The following RFPL1 variants were observed in gnomAD, a reference collection of about 807,000 sequenced individuals.
The protein encoded by RFPL1 is ret finger protein like 1.
In RFPL1, 6 loss-of-function variants were observed where a neutral mutation model predicts 9.6. The ratio of observed to expected loss-of-function variants is 0.62; its 90% confidence interval spans 0.34 to 1.23. The LOEUF is 1.23. RFPL1 is among the 50% of genes most tolerant of loss of function. RFPL1 has a pLI of 0.03. For synonymous variants in RFPL1, 145 were observed against 149.4 expected (o/e 0.97, Z 0.22); for missense variants, 352 against 398.4 (o/e 0.88, Z 0.99).
upstream of RFPL1, among the ~76,000 whole-genome samples, chr22:29,435,960 A>G (rs547176232): frequency 6.6e-6 from 1 of 152,312 alleles, no homozygotes; most frequent in East Asian, 1.9e-4. Flanking sequence ...TAAATACCAC[A>G]TGTTCTCACT....
the RFPL1 span, among the ~76,000 whole-genome samples, chr22:29,415,954 T>C: frequency 7.2e-5 from 11 of 152,150 alleles, no homozygotes; most frequent in Admixed American, 6.5e-5. Context: ...GGAGTTGTGG[T>C]TGTGGTCAGA....
At chr22:29,395,790 T>A in the RFPL1 span, among the ~76,000 whole-genome samples, 1 of 152,050 alleles carries the variant, frequency 6.6e-6, no homozygotes, top group Non-Finnish European at 1.5e-5. Flanking sequence ...CTGGCCAATA[T>A]GGTGAAACCC....
At chr22:29,423,816 A>G in the RFPL1 span, among the ~76,000 whole-genome samples, 1 of 152,198 alleles carries the variant, frequency 6.6e-6, no homozygotes, top group Non-Finnish European at 1.5e-5. Context: ...AAAGGGCTAG[A>G]ATCTATAGCA....
At chr22:29,426,364 G>C in the RFPL1 span, among the ~76,000 whole-genome samples, 1 of 151,350 alleles carries the variant, frequency 6.6e-6, no homozygotes. Flanking sequence ...GGTTTGTAAT[G>C]ATGTATTTTT....
the RFPL1 span, among the ~76,000 whole-genome samples, chr22:29,430,432 G>A: frequency 2.0e-5 from 3 of 151,918 alleles, no homozygotes; most frequent in African/African-American, 4.8e-5. Context: ...ATTTAAATAT[G>A]TATACTTTTA....
the RFPL1 span, among the ~76,000 whole-genome samples, chr22:29,388,908 C>A: frequency 6.6e-6 from 1 of 152,158 alleles, no homozygotes; most frequent in South Asian, 2.1e-4. Context: ...GGGTCTTGCT[C>A]TGTTGCTCAA....
chr22:29,420,166 T>C, the RFPL1 span, among the ~76,000 whole-genome samples: 1 of 152,276 alleles, frequency 6.6e-6, no homozygotes, highest in South Asian at 2.1e-4. Context: ...GCTCTGAAAA[T>C]GGGAATTCAG....
At chr22:29,424,259 G>C in the RFPL1 span, among the ~76,000 whole-genome samples, 1 of 152,074 alleles carries the variant, frequency 6.6e-6, no homozygotes, top group Non-Finnish European at 1.5e-5. Flanking sequence ...AGCATCTACT[G>C]TGTACCTCAA....
the RFPL1 span, among the ~76,000 whole-genome samples, chr22:29,424,838 C>CT: frequency 9.2e-6 from 1 of 108,660 alleles, no homozygotes; most frequent in African/African-American, 3.6e-5. Context: ...CTCCCACCCC[C>CT]CCCCCCGCAA....
At chr22:29,423,803 T>C in the RFPL1 span, among the ~76,000 whole-genome samples, 1 of 152,208 alleles carries the variant, frequency 6.6e-6, no homozygotes, top group Non-Finnish European at 1.5e-5. Context: ...GATTCATCTG[T>C]GGAAAGGGCT....
chr22:29,427,949 A>G, the RFPL1 span, among the ~76,000 whole-genome samples: 1 of 152,062 alleles, frequency 6.6e-6, no homozygotes, highest in Admixed American at 6.5e-5. Flanking sequence ...CCCTTTCTAT[A>G]TGGTATATAA....
At chr22:29,388,181 C>T in the RFPL1 span, among the ~76,000 whole-genome samples, 891 of 152,340 alleles carry the variant, frequency 5.8e-3, 7 homozygotes, top group African/African-American at 0.02. Flanking sequence ...CCTGTCTCTC[C>T]GGGCGGAAGC....
chr22:29,411,376 T>C, the RFPL1 span, among the ~76,000 whole-genome samples: 1 of 152,180 alleles, frequency 6.6e-6, no homozygotes, highest in African/African-American at 2.4e-5. Flanking sequence ...TTAGAAGCGT[T>C]CAAATTTATT....
intron 1 of RFPL1, chr22:29,439,930 T>C (rs1282880435): frequency 6.6e-6 from 1 of 151,840 alleles, no homozygotes; most frequent in African/African-American, 2.4e-5. Context: ...TTGGGAAGAG[T>C]TTGGAATGGA....
chr22:29,427,120 T>C, the RFPL1 span, among the ~76,000 whole-genome samples: 1 of 152,350 alleles, frequency 6.6e-6, no homozygotes, highest in Admixed American at 6.5e-5. Flanking sequence ...GCAAGGTGGC[T>C]CTGTCCAGGC....
chr22:29,411,577 A>G, the RFPL1 span, among the ~76,000 whole-genome samples: 1 of 152,202 alleles, frequency 6.6e-6, no homozygotes, highest in South Asian at 2.1e-4. Context: ...CTTAAATCTC[A>G]GCCACTTTTA....
chr22:29,438,046 CTAT>C (rs1376565909), upstream of RFPL1: 1 of 226,420 alleles, frequency 4.4e-6, no homozygotes, highest in African/African-American at 2.6e-5. Context: ...GCTAATTTTT[CTAT>C]TATTTGTAGA....
At chr22:29,397,191 G>A in the RFPL1 span, among the ~76,000 whole-genome samples, 4 of 151,046 alleles carry the variant, frequency 2.6e-5, no homozygotes, top group Non-Finnish European at 4.4e-5. Context: ...TTACAGGCTT[G>A]AGCCACCGCG....
the RFPL1 span, among the ~76,000 whole-genome samples, chr22:29,398,061 A>G: frequency 3.9e-5 from 6 of 152,318 alleles, no homozygotes; most frequent in African/African-American, 1.4e-4. Flanking sequence ...CAGAGCTCTC[A>G]GTGCTGTGGC....
Sources: gnomAD v4.1 joint callset for allele counts (sites outside exome capture counted in the v4.1 genomes callset) on GRCh38, gnomAD v4.1.1 for gene constraint, MANE v1.5 for transcripts, NCBI Gene and HGNC (gene_info 2026-07-23, HGNC 2026-07-21) for gene names.